SERPINB12: variants seen among roughly 807,000 people sequenced by gnomAD.
SERPINB12 encodes the protein serpin family B member 12, also known as serpin B12.
In SERPINB12, 57 loss-of-function variants were observed where a neutral mutation model predicts 41.1. That is an observed-to-expected ratio of 1.39 (90% CI 1.12 to 1.73). The LOEUF (loss-of-function observed/expected upper bound fraction) is 1.73, where lower values mean the gene tolerates loss of function less well. Among genes scored for constraint, SERPINB12 ranks in the 40% most tolerant of loss-of-function variants. The pLI is 0.00. For synonymous variants in SERPINB12, 180 were observed against 181.3 expected, an observed-to-expected ratio of 0.99 and a Z score of 0.06; for missense variants, 536 against 501.9, an observed-to-expected ratio of 1.07 and a Z score of -0.65.
Position 63,566,932 on chromosome 18 carries a change from C to G in SERPINB12, c.1199C>G (p.Ala400Gly). The change falls in exon 8 of 8, where the codon GCC becomes GGC. Residue 400 changes from alanine to glycine, a missense_variant. Ala to Gly is a moderately conservative substitution (Grantham distance 60). Coordinates refer to ENST00000382768, the MANE Select transcript of SERPINB12 (RefSeq NM_001307928.2). The part of the protein sequence containing the change: ...RSLRSWVEFN[A>G]NHPFLFFIRH... ...CTACGATCTTGGGTGGAGTTTAATG[C>G]CAACCACCCTTTTCTCTTTTTCATT... 1 of 1,613,866 alleles carries G rather than the reference C, an allele frequency of 6.2e-7. No homozygotes were observed. The highest frequency in any genetic ancestry group is 2.2e-5 in the East Asian group (1 of 44,868).
chr18:63,520,153 AC>A, the SERPINB12 span, among the ~76,000 whole-genome samples: 1 of 152,080 alleles, frequency 6.6e-6, no homozygotes, highest in Non-Finnish European at 1.5e-5. Flanking sequence ...TCCATGAGTA[AC>A]CTTTTCCTTT....
At chr18:63,528,307 T>C in the SERPINB12 span, among the ~76,000 whole-genome samples, 2 of 151,940 alleles carry the variant, frequency 1.3e-5, no homozygotes, top group Non-Finnish European at 1.5e-5. Flanking sequence ...ACCATAAATT[T>C]TGAACAGATA....
chr18:63,546,847 G>A (rs988006042), intron 1 of SERPINB12, among the ~76,000 whole-genome samples: 10 of 152,138 alleles, frequency 6.6e-5, no homozygotes, highest in African/African-American at 1.9e-4. Context: ...CACTGGAAAA[G>A]TTCCACAGAG....
rs183809286 is a variant in SERPINB12, at chr18:63,556,553, T to C, written c.168+226T>C. 1.0e-3 allele frequency among the ~76,000 whole-genome samples: 154 copies of C among 152,352 alleles called. No individual in the cohort carries two copies. In the Middle Eastern group the frequency reaches 0.014, roughly 13 times the overall value. On this transcript the variant is annotated intron_variant, in intron 2 of 7. Coordinates refer to ENST00000382768, the MANE Select transcript of SERPINB12 (RefSeq NM_001307928.2). ...ACTTGTACCTTCTTTAGGGTGCTCC[T>C]CAACTTCATGTCTGGCAGCTTTTCT...
Position 63,566,903 on chromosome 18 carries a change from G to A in SERPINB12, c.1170G>A (p.Arg390=). 4 of 1,614,164 alleles carry A rather than the reference G, an allele frequency of 2.5e-6. No homozygotes were observed. Among genetic ancestry groups the A allele is most frequent in the Non-Finnish European group, 3.4e-6 (4 of 1,180,022 alleles). Residue 390 remains arginine (R), a synonymous_variant, in exon 8 of 8, where the codon AGG becomes AGA. Transcript: ENST00000382768. ...AAATGAVVSE[R]SLRSWVEFNA... ...CCACTGGGGCTGTTGTCTCGGAAAG[G>A]TCACTACGATCTTGGGTGGAGTTTA... is the stretch of plus-strand genomic sequence containing the variant.
At chr18:63,560,902 A>C (rs1229169025) in intron 4 of SERPINB12, among the ~76,000 whole-genome samples, 183 bp from the exon 5 acceptor site, 1 of 152,186 alleles carries the variant, frequency 6.6e-6, no homozygotes, top group Non-Finnish European at 1.5e-5. Context: ...TTCACTAAAA[A>C]AACTGAAATG....
chr18:63,554,613 G>A (rs1488383569), intron 1 of SERPINB12, among the ~76,000 whole-genome samples: 4 of 151,316 alleles, frequency 2.6e-5, no homozygotes, highest in African/African-American at 4.9e-5. Flanking sequence ...TCATTTGAAA[G>A]GCATAGGTCA....
At chr18:63,536,701 A>G in the SERPINB12 span, among the ~76,000 whole-genome samples, 1 of 152,156 alleles carries the variant, frequency 6.6e-6, no homozygotes, top group African/African-American at 2.4e-5. Flanking sequence ...TAAAATAACT[A>G]ATCTCTTTGT....
intron 5 of SERPINB12, among the ~76,000 whole-genome samples, chr18:63,562,563 A>G (rs528861872): frequency 4.6e-5 from 7 of 152,148 alleles, no homozygotes; most frequent in Middle Eastern, 3.4e-3. Context: ...TCTTTTTCTC[A>G]CACTGACTTA....
intron 1 of SERPINB12, among the ~76,000 whole-genome samples, chr18:63,543,987 A>G (rs78300830): frequency 0.022 from 3,282 of 152,344 alleles, 111 homozygotes; most frequent in African/African-American, 0.074. Context: ...GTATGTAAAT[A>G]GAGGTTATAT....
chr18:63,530,231 A>C, the SERPINB12 span, among the ~76,000 whole-genome samples: 1 of 152,220 alleles, frequency 6.6e-6, no homozygotes, highest in Admixed American at 6.5e-5. Context: ...TATTGCTGGC[A>C]CAAGGATAGT....
chr18:63,545,213 ATT>A (rs570308273), intron 1 of SERPINB12, among the ~76,000 whole-genome samples: 30 of 141,466 alleles, frequency 2.1e-4, no homozygotes, highest in Non-Finnish European at 2.6e-4. Context: ...ACATAGAACT[ATT>A]TTTTTTTTTT....
chr18:63,556,773 C>T (rs1910694881), intron 2 of SERPINB12, among the ~76,000 whole-genome samples: 1 of 152,198 alleles, frequency 6.6e-6, no homozygotes, highest in South Asian at 2.1e-4. Context: ...GACTCTTTCT[C>T]TCTCACTTTA....
At chr18:63,562,565 A>G (rs969882391) in intron 5 of SERPINB12, among the ~76,000 whole-genome samples, 1 of 152,066 alleles carries the variant, frequency 6.6e-6, no homozygotes, top group African/African-American at 2.4e-5. Flanking sequence ...TTTTTCTCAC[A>G]CTGACTTAGG....
chr18:63,562,097 T>C (rs1910930105), intron 5 of SERPINB12, among the ~76,000 whole-genome samples: 1 of 152,202 alleles, frequency 6.6e-6, no homozygotes, highest in South Asian at 2.1e-4. Context: ...TTATTTATTA[T>C]TGCAGTTTTG....
At chr18:63,539,626 G>A (rs1467766070), upstream of SERPINB12, among the ~76,000 whole-genome samples, 2 of 151,914 alleles carry the variant, frequency 1.3e-5, no homozygotes, top group African/African-American at 4.8e-5. Flanking sequence ...CAAAACAAAA[G>A]CAACAGCAAA....
intron 1 of SERPINB12, among the ~76,000 whole-genome samples, chr18:63,549,358 G>C (rs1416486802): frequency 2.0e-5 from 3 of 152,034 alleles, no homozygotes; most frequent in African/African-American, 7.2e-5. Context: ...GTTAAATCGT[G>C]AATCCCTTAC....
rs1491386715 is a variant in SERPINB12, at chr18:63,559,003, C to CTTTCTTTCTTTCTCTCTTTCTTTCT, written c.303+519_303+520insTCTTTCTTTCTCTCTTTCTTTCTTT. On this transcript the variant is annotated intron_variant, in intron 3 of 7. Coordinates refer to ENST00000382768, the MANE Select transcript of SERPINB12 (RefSeq NM_001307928.2). ...ATGATTGTCTTTCTTTCTTTCCTTC[C>CTTTCTTTCTTTCTCTCTTTCTTTCT]TTCTTTCTTTCTTTCTTTCTTTCTT... Among the ~76,000 whole-genome samples, 103 of 78,600 alleles carry CTTTCTTTCTTTCTCTCTTTCTTTCT rather than the reference C, an allele frequency of 1.3e-3. 2 individuals carry two copies. The highest frequency in any genetic ancestry group is 4.9e-3 in the African/African-American group (98 of 19,806). 51.6% of individuals were successfully genotyped at this position (78,600 alleles called of 152,430 possible).
Position 63,569,266 on chromosome 18 carries a change from C to A in SERPINB12, c.*2255C>A, listed in dbSNP as rs569750177. 3.4e-4 allele frequency among the ~76,000 whole-genome samples: 51 copies of A among 151,964 alleles called. No homozygotes were observed. The highest frequency in any genetic ancestry group is 6.2e-4 in the Non-Finnish European group (42 of 68,002). On this transcript the variant is annotated 3_prime_UTR_variant, in exon 8 of 8. Coordinates refer to ENST00000382768, the MANE Select transcript of SERPINB12 (RefSeq NM_001307928.2). ...TAAATCAGTAAACATTCTTTACTAACCTTTGATTTATTAAGAAGTTTCTTC... is the reference window on the plus strand; with the variant it reads ...TAAATCAGTAAACATTCTTTACTAAACTTTGATTTATTAAGAAGTTTCTTC...
Sources: allele counts gnomAD v4.1 joint callset (sites outside exome capture counted in the v4.1 genomes callset), GRCh38; gene constraint gnomAD v4.1.1; transcripts MANE v1.5; gene names NCBI Gene and HGNC (gene_info 2026-07-23, HGNC 2026-07-21).